The following QRICH1 variants were observed in gnomAD, a reference collection of about 807,000 sequenced individuals.
QRICH1 encodes the protein glutamine rich 1.
Under a neutral mutation model 87.1 loss-of-function variants are expected in QRICH1, and 16 were observed. The observed-to-expected ratio is 0.18, with a 90% CI of 0.12 to 0.28. The LOEUF (loss-of-function observed/expected upper bound fraction) is 0.28, where lower values mean the gene tolerates loss of function less well. Among genes scored for constraint, QRICH1 ranks in the 10% least tolerant of loss-of-function variants. The pLI is 1.00. For synonymous variants in QRICH1, 367 were observed against 368.4 expected, an observed-to-expected ratio of 1.00 and a Z score of 0.05; for missense variants, 647 against 951.7, an observed-to-expected ratio of 0.68 and a Z score of 4.21.
intron 1 of QRICH1, among the ~76,000 whole-genome samples, chr3:49,087,647 G>A (rs564375758): frequency 3.3e-5 from 5 of 150,946 alleles, no homozygotes; most frequent in African/African-American, 9.7e-5. Context: ...AGGCCGAGTC[G>A]GGCATATCAC....
At chr3:49,079,237 A>C (rs13066736) in intron 1 of QRICH1, among the ~76,000 whole-genome samples, 4,611 of 151,934 alleles carry the variant, frequency 0.03, 86 homozygotes, top group Non-Finnish European at 0.039. Flanking sequence ...CTGTCTAAAA[A>C]AAACAAACAA....
At chr3:49,089,120 G>C (rs2107050493) in intron 1 of QRICH1, among the ~76,000 whole-genome samples, 1 of 150,762 alleles carries the variant, frequency 6.6e-6, no homozygotes, top group East Asian at 2.0e-4. Flanking sequence ...GAGTGCAATG[G>C]TGCCCTCTCA....
intron 2 of QRICH1, among the ~76,000 whole-genome samples, chr3:49,065,570 G>A (rs2093463411): frequency 1.3e-5 from 2 of 152,146 alleles, no homozygotes; most frequent in African/African-American, 2.4e-5. Context: ...TCCAGTACAT[G>A]GTCAGGAGAG....
At position 49,056,935 on chromosome 3, in the gene QRICH1, G is replaced by A. The variant is rs757974895; in HGVS notation, c.1265C>T (p.Pro422Leu). Residue 422 changes from proline (P) to leucine (L), a missense_variant, in exon 3 of 10, where the codon CCG (proline) becomes CTG (leucine). Coordinates refer to ENST00000395443, the MANE Select transcript of QRICH1 (RefSeq NM_198880.3). ...CTGTTCCTGGGGAGTTTGCTGCTGCGGCTGCTGTTGGGGGTCCCATATATG... is the reference window on the plus strand; with the variant it reads ...CTGTTCCTGGGGAGTTTGCTGCTGCAGCTGCTGTTGGGGGTCCCATATATG... ...TVHIWDPQQQ[P>L]QQQTPQEQTP... The A allele has an allele frequency of 1.2e-5, 20 of 1,613,948 alleles. No homozygotes were observed. The highest frequency in any genetic ancestry group is 1.7e-5 in the Admixed American group (1 of 59,974).
chr3:49,076,551 A>G (rs547163874), intron 2 of QRICH1, among the ~76,000 whole-genome samples, 158 bp downstream of exon 2: 1 of 151,888 alleles, frequency 6.6e-6, no homozygotes, highest in African/African-American at 2.4e-5. Context: ...TTAAAGAAAA[A>G]GGAGAAGAAA....
At chr3:49,056,583 G>C (rs1190276310) in intron 3 of QRICH1, among the ~76,000 whole-genome samples, 1 of 152,198 alleles carries the variant, frequency 6.6e-6, no homozygotes, top group Non-Finnish European at 1.5e-5. Context: ...TTCCTGAGAA[G>C]AGATTACAAA....
rs140578257 is a variant in QRICH1, at chr3:49,052,349, A to C, written c.1338+4513T>G. Among the ~76,000 whole-genome samples the C allele has an allele frequency of 1.7e-3, 263 of 152,296 alleles. 1 individual carries two copies. The highest frequency in any genetic ancestry group is 1.4e-3 in the Non-Finnish European group (98 of 68,016). ...CCAATGAAGATCTGAGGTATTGTCA[A>C]TAAGTCCAAGTAAATGCTAAGTAGG... is the stretch of plus-strand genomic sequence containing the variant. On this transcript the variant is annotated intron_variant, in intron 3 of 9. Coordinates refer to ENST00000395443, the MANE Select transcript of QRICH1 (RefSeq NM_198880.3).
At position 49,030,186 on chromosome 3, in the gene QRICH1, C is replaced by A. The variant is rs573291575; in HGVS notation, c.*266G>T. The stretch of plus-strand genomic sequence containing the variant: ...CCAAGCCCTTTCCCCAGGCCCCAGA[C>A]AAAAAAGAGTCAGCCAGCAACTTTC... On this transcript the variant is annotated 3_prime_UTR_variant, in exon 10 of 10. Coordinates refer to ENST00000395443, the MANE Select transcript of QRICH1 (RefSeq NM_198880.3). 5.9e-6 allele frequency: 3 copies of A among 508,920 alleles called. No individual in the cohort carries two copies. Among genetic ancestry groups the A allele is most frequent in the Non-Finnish European group, 3.4e-6 (1 of 291,034 alleles). The allele number at this position is 508,920 out of a possible 1,614,324, so 31.5% of individuals were successfully genotyped here.
chr3:49,088,774 T>C (rs1436928579), intron 1 of QRICH1, among the ~76,000 whole-genome samples: 2 of 151,856 alleles, frequency 1.3e-5, no homozygotes, highest in Non-Finnish European at 2.9e-5. Context: ...TACAGGTCCA[T>C]GCTACCACAT....
At chr3:49,048,941 G>A (rs1469091445) in intron 3 of QRICH1, among the ~76,000 whole-genome samples, 10 of 147,990 alleles carry the variant, frequency 6.8e-5, no homozygotes, top group Non-Finnish European at 8.9e-5. Context: ...TTGCTCTTTC[G>A]CCTAGGCTGG....
At chr3:49,079,656 G>A (rs563261744) in intron 1 of QRICH1, among the ~76,000 whole-genome samples, 4 of 152,124 alleles carry the variant, frequency 2.6e-5, no homozygotes, top group African/African-American at 9.6e-5. Context: ...TAGGTGATCC[G>A]AGAGCACTCA....
chr3:49,042,327 C>T (rs962976154), intron 6 of QRICH1, among the ~76,000 whole-genome samples: 1 of 151,582 alleles, frequency 6.6e-6, no homozygotes, highest in Non-Finnish European at 1.5e-5. Flanking sequence ...TCTCGATCTC[C>T]CGACCTTGTG....
At chr3:49,056,659 T>C (rs775984037) in intron 3 of QRICH1, 16 of 982,662 alleles carry the variant, frequency 1.6e-5, no homozygotes, top group Non-Finnish European at 2.1e-5. Flanking sequence ...GGCCATCTCA[T>C]TTACCTCCAG....
intron 3 of QRICH1, among the ~76,000 whole-genome samples, chr3:49,049,138 G>A (rs1308390155): frequency 6.6e-6 from 1 of 151,710 alleles, no homozygotes; most frequent in Non-Finnish European, 1.5e-5. Context: ...TCCTGACCTC[G>A]ACTGATCTGC....
At position 49,081,146 on chromosome 3, in the gene QRICH1, G is replaced by A. The variant is rs901926560; in HGVS notation, c.-21-4108C>T. 1.5e-4 allele frequency among the ~76,000 whole-genome samples: 23 copies of A among 152,190 alleles called. 1 individual carries two copies. In the Middle Eastern group the frequency reaches 0.01, roughly 68 times the overall value. ...AATTTTAGAGTATTGGCCAGGTGCG[G>A]TGGCTCAGGCCTCTAATCCCAGCAC... On this transcript the variant is annotated intron_variant, in intron 1 of 9. Transcript: ENST00000395443.
intron 2 of QRICH1, among the ~76,000 whole-genome samples, chr3:49,068,881 T>A (rs1356024758): frequency 1.3e-5 from 2 of 151,756 alleles, no homozygotes; most frequent in Non-Finnish European, 2.9e-5. Flanking sequence ...TCCACTCACC[T>A]TGGCCTCCCA....
chr3:49,084,831 T>C (rs2042137482), intron 1 of QRICH1, among the ~76,000 whole-genome samples: 1 of 152,272 alleles, frequency 6.6e-6, no homozygotes, highest in African/African-American at 2.4e-5. Flanking sequence ...TAATTAAGTT[T>C]CTTCTGTTAA....
chr3:49,087,760 G>GCTACTC lies in QRICH1; in HGVS notation c.-22+6146_-22+6151dup, dbSNP rs1302028595. On this transcript the variant is annotated intron_variant, in intron 1 of 9. Coordinates refer to ENST00000395443, the MANE Select transcript of QRICH1 (RefSeq NM_198880.3). ...GGGGTACCATGCGCCTGTAGTCCCA[G>GCTACTC]CTACTCGGGAGGCTGAGGCAGAAGA... Among the ~76,000 whole-genome samples, 14 of 133,702 alleles carry GCTACTC rather than the reference G, an allele frequency of 1.0e-4. No homozygotes were observed. The Admixed American group carries it at 1.2e-3, about 11-fold the overall frequency. The allele number at this position is 133,702 out of a possible 152,430, so 87.7% of individuals were successfully genotyped here.
At chr3:49,065,176 C>T (rs2093460545) in intron 2 of QRICH1, among the ~76,000 whole-genome samples, 1 of 149,650 alleles carries the variant, frequency 6.7e-6, no homozygotes, top group South Asian at 2.1e-4. Flanking sequence ...CACTCTGTTG[C>T]CCAGGCTGGA....
Sources: gnomAD v4.1 joint callset for allele counts (sites outside exome capture counted in the v4.1 genomes callset) on GRCh38, gnomAD v4.1.1 for gene constraint, MANE v1.5 for transcripts, NCBI Gene and HGNC (gene_info 2026-07-23, HGNC 2026-07-21) for gene names.